The following ROBO2 variants were observed in gnomAD, a reference collection of about 807,000 sequenced individuals.
ROBO2 encodes the protein roundabout guidance receptor 2, also known as roundabout homolog 2.
Under a neutral mutation model 160.8 loss-of-function variants are expected in ROBO2, and 53 were observed. That is an observed-to-expected ratio of 0.33 (90% CI 0.26 to 0.41). ROBO2 has a LOEUF of 0.41. ROBO2 is among the 10% of genes least tolerant of loss of function. The pLI is 1.00. For missense variants in ROBO2, 1,577 were observed against 1,722.4 expected (o/e 0.92, Z 1.49); for synonymous variants, 664 against 611.7 (o/e 1.09, Z -1.26).
intron 2 of ROBO2, among the ~76,000 whole-genome samples, chr3:76,492,007 TG>T (rs2079852738): frequency 6.6e-6 from 1 of 152,112 alleles, no homozygotes; most frequent in Non-Finnish European, 1.5e-5. Context: ...TCCCAGCTAC[TG>T]GGGAGGCTGA....
intron 15 of ROBO2, among the ~76,000 whole-genome samples, chr3:77,577,909 G>T (rs2093810699): frequency 6.6e-6 from 1 of 152,070 alleles, no homozygotes. Context: ...AGGGTAGGTT[G>T]TGAAGCCTAG....
In ROBO2 at chr3:77,228,449, A is replaced by G. The variant is rs1239790662; in HGVS notation, c.388+130109A>G. Among the ~76,000 whole-genome samples the G allele has an allele frequency of 2.0e-5, 3 of 151,528 alleles. No individual in the cohort carries two copies. The South Asian group carries it at 6.3e-4, about 32-fold the overall frequency. On this transcript the variant is annotated intron_variant, in intron 2 of 25. Coordinates refer to ENST00000461745, the Ensembl canonical transcript of ROBO2. ...CACACACACACACCCTTTTTTTTTA[A>G]TTTCAAAAATTACTTTGCCCACTTT... is the stretch of plus-strand genomic sequence containing the variant.
At chr3:77,539,511 G>A in intron 6 of ROBO2, among the ~76,000 whole-genome samples, 1 of 152,024 alleles carries the variant, frequency 6.6e-6, no homozygotes, top group East Asian at 1.9e-4. Context: ...TCACTGGTGG[G>A]TATGTGTATA....
intron 2 of ROBO2, among the ~76,000 whole-genome samples, chr3:76,902,566 C>A (rs1294958728): frequency 6.6e-6 from 1 of 151,760 alleles, no homozygotes; most frequent in East Asian, 1.9e-4. Context: ...TTGTCTGGAC[C>A]CTTTAATAAT....
chr3:76,129,619 CA>C (rs1368503813), intron 2 of ROBO2, among the ~76,000 whole-genome samples: 1 of 152,060 alleles, frequency 6.6e-6, no homozygotes, highest in Non-Finnish European at 1.5e-5. Context: ...CCCACTAAGG[CA>C]TTGTGACTCT....
intron 2 of ROBO2, among the ~76,000 whole-genome samples, chr3:76,250,542 C>G (rs1425720234): frequency 6.6e-6 from 1 of 151,958 alleles, no homozygotes; most frequent in African/African-American, 2.4e-5. Flanking sequence ...ATAATAGTCT[C>G]CATGGAACCC....
At chr3:77,466,491 C>A (rs1433855826) in intron 2 of ROBO2, among the ~76,000 whole-genome samples, 5 of 151,980 alleles carry the variant, frequency 3.3e-5, no homozygotes, top group African/African-American at 9.7e-5. Context: ...TCATGTGAAC[C>A]CCCTATCTAG....
chr3:75,933,882 A>C lies in ROBO2; in HGVS notation c.-13-3599A>C, dbSNP rs144427985. 3.4e-4 allele frequency among the ~76,000 whole-genome samples: 52 copies of C among 152,266 alleles called. 1 individual carries two copies. The East Asian group carries it at 0.01, about 30-fold the overall frequency. On this transcript the variant is annotated intron_variant, in intron 1 of 26. Transcript: ENST00000487694. ...AACGTGTTCTAAAGCCATTTAATTC[A>C]GGACTACCCTTCCTGGTTGGTACCT...
intron 2 of ROBO2, among the ~76,000 whole-genome samples, chr3:76,631,480 A>G (rs977742172): frequency 2.0e-5 from 3 of 152,196 alleles, no homozygotes; most frequent in Non-Finnish European, 2.9e-5. Flanking sequence ...CACAATAAGC[A>G]CACAGCATTT....
At chr3:77,010,062 C>A (rs1382109827) in intron 2 of ROBO2, among the ~76,000 whole-genome samples, 1 of 151,724 alleles carries the variant, frequency 6.6e-6, no homozygotes, top group Non-Finnish European at 1.5e-5. Flanking sequence ...ACTTAATTGC[C>A]ATAAATAATC....
intron 2 of ROBO2, among the ~76,000 whole-genome samples, chr3:76,013,580 C>T (rs948243600): frequency 8.6e-5 from 13 of 150,804 alleles, no homozygotes; most frequent in African/African-American, 1.5e-4. Context: ...CGACTGGGCA[C>T]GGTGGTTTGT....
rs191278759 is a variant in ROBO2, at chr3:76,201,589, G to A, written c.109+263987G>A. On this transcript the variant is annotated intron_variant, in intron 2 of 26. Coordinates refer to the ROBO2 transcript ENST00000487694. ...GACACTATGTTAATTAAAGGTTGCC[G>A]TTACCCTCTTCAAAGCTGAGGTTAT... 1.7e-4 allele frequency among the ~76,000 whole-genome samples: 26 copies of A among 152,170 alleles called. No individual in the cohort carries two copies. In the East Asian group the frequency reaches 3.5e-3, roughly 20 times the overall value.
At chr3:76,434,056 G>C in intron 2 of ROBO2, 6 of 1,302,722 alleles carry the variant, frequency 4.6e-6, no homozygotes, top group Middle Eastern at 5.2e-4. Flanking sequence ...GACTGGAGAG[G>C]GCAGTGGGCC....
intron 2 of ROBO2, among the ~76,000 whole-genome samples, chr3:76,030,747 C>T (rs1366959001): frequency 6.6e-6 from 1 of 152,092 alleles, no homozygotes; most frequent in Non-Finnish European, 1.5e-5. Context: ...GGTACCAGTA[C>T]CATGCTGTTT....
At chr3:77,309,532 A>G (rs2063367478) in intron 2 of ROBO2, among the ~76,000 whole-genome samples, 1 of 152,220 alleles carries the variant, frequency 6.6e-6, no homozygotes. Flanking sequence ...GTGATAATGA[A>G]AGTCTCATAA....
intron 2 of ROBO2, among the ~76,000 whole-genome samples, chr3:76,770,017 T>C (rs185122200): frequency 6.6e-6 from 1 of 151,620 alleles, no homozygotes; most frequent in Admixed American, 6.6e-5. Flanking sequence ...TTTTTCACTT[T>C]GTGTCAACTA....
At chr3:77,101,268 G>A (rs572099293) in intron 2 of ROBO2, among the ~76,000 whole-genome samples, 1 of 152,246 alleles carries the variant, frequency 6.6e-6, no homozygotes, top group South Asian at 2.1e-4. Context: ...CATGATCAAT[G>A]AGAAGTAGAG....
At chr3:76,485,768 T>G (rs771115748) in intron 2 of ROBO2, among the ~76,000 whole-genome samples, 3 of 152,142 alleles carry the variant, frequency 2.0e-5, no homozygotes, top group Non-Finnish European at 4.4e-5. Flanking sequence ...TTTAAAAAAA[T>G]AAAGTAGGCT....
At chr3:76,141,010 A>G (rs561758012) in intron 2 of ROBO2, among the ~76,000 whole-genome samples, 79 of 112,676 alleles carry the variant, frequency 7.0e-4, no homozygotes, top group Non-Finnish European at 1.2e-3. Context: ...GATGAGGCAT[A>G]TAACTTAGAA....
Sources: allele counts gnomAD v4.1 joint callset (sites outside exome capture counted in the v4.1 genomes callset), GRCh38; gene constraint gnomAD v4.1.1; transcripts MANE v1.5; gene names NCBI Gene and HGNC (gene_info 2026-07-23, HGNC 2026-07-21).